JCAD: variants seen among roughly 807,000 people sequenced by gnomAD.
The protein encoded by JCAD is junctional cadherin 5 associated.
In JCAD, 40 loss-of-function variants were observed where a neutral mutation model predicts 98.0. The ratio of observed to expected loss-of-function variants is 0.41; its 90% CI spans 0.32 to 0.53. The LOEUF is 0.53. Ranked by LOEUF, JCAD falls within the 20% of genes least tolerant of loss-of-function variation. JCAD has a pLI of 0.31. For synonymous variants in JCAD, 691 were observed against 682.3 expected, an observed-to-expected ratio of 1.01 and a Z score of -0.20; for missense variants, 1,705 against 1,738.1, an observed-to-expected ratio of 0.98 and a Z score of 0.34.
intron 1 of JCAD, among the ~76,000 whole-genome samples, chr10:30,082,676 A>C (rs192274382): frequency 6.6e-6 from 1 of 151,834 alleles, no homozygotes; most frequent in African/African-American, 2.4e-5. Context: ...ACATGGAGAA[A>C]CCCCATCTGT....
At chr10:30,098,859 AT>A (rs1343825686) in intron 1 of JCAD, among the ~76,000 whole-genome samples, 1 of 151,976 alleles carries the variant, frequency 6.6e-6, no homozygotes, top group Admixed American at 6.6e-5. Flanking sequence ...AAACTTCCTG[AT>A]TTTTTTTAAA....
Position 30,016,891 on chromosome 10 carries a change from T to C in JCAD, c.*992A>G, listed in dbSNP as rs1469901731. ...ACCCTGTGATATGTCTATATTGACA[T>C]TTTCTAAGATAAAATAAAAGTAGCA... On this transcript the variant is annotated 3_prime_UTR_variant, in exon 4 of 4. Coordinates refer to ENST00000375377, the MANE Select transcript of JCAD (RefSeq NM_020848.4). The C allele has an allele frequency of 1.3e-5, 2 of 152,216 alleles. No homozygotes were observed. Among genetic ancestry groups the C allele is most frequent in the Admixed American group, 6.5e-5 (1 of 15,286 alleles). The allele number at this position is 152,216 out of a possible 1,614,324, so 9.4% of individuals were successfully genotyped here. A position where few individuals can be genotyped will look rare whatever the true frequency, so the allele number is the denominator to read the frequency against.
At chr10:30,082,483 C>T (rs1838101803) in intron 1 of JCAD, among the ~76,000 whole-genome samples, 1 of 152,066 alleles carries the variant, frequency 6.6e-6, no homozygotes, top group African/African-American at 2.4e-5. Flanking sequence ...CTTTGAGAGG[C>T]CGAGGTGGGT....
rs1836945395 is a variant in JCAD, at chr10:30,029,646, C to A, written c.502G>T (p.Val168Phe). The A allele has an allele frequency of 6.2e-7, 1 of 1,614,256 alleles. No individual in the cohort carries two copies. The highest frequency in any genetic ancestry group is 8.5e-7 in the Non-Finnish European group (1 of 1,180,054). The change falls in exon 3 of 4, where the codon GTT becomes TTT. Residue 168 changes from valine (V) to phenylalanine (F), a missense_variant. Around this residue, in one of 3 missense-constraint regions of JCAD, gnomAD observed 275 missense variants for 346.9 expected, o/e 0.79. Coordinates refer to ENST00000375377, the MANE Select transcript of JCAD (RefSeq NM_020848.4). ...GACATTCGCAATTCTTCTTCCCAAA[C>A]TGGCTTCTTCATCACATGCTCTGAC... ...GRSEHVMKKP[V>F]WEEELRMSGP...
intron 1 of JCAD, among the ~76,000 whole-genome samples, chr10:30,102,003 T>C (rs1838479235): frequency 1.3e-5 from 2 of 152,144 alleles, no homozygotes; most frequent in Non-Finnish European, 2.9e-5. Context: ...GAAATGTCAG[T>C]GAGGGCCAGA....
intron 3 of JCAD, among the ~76,000 whole-genome samples, chr10:30,019,284 G>A (rs1015720174): frequency 3.3e-5 from 5 of 151,180 alleles, no homozygotes; most frequent in Admixed American, 6.6e-5. Context: ...TTGAATCCAG[G>A]AGGCGGAGGT....
At chr10:30,099,825 T>G (rs1374722642) in intron 1 of JCAD, among the ~76,000 whole-genome samples, 1 of 152,182 alleles carries the variant, frequency 6.6e-6, no homozygotes, top group Non-Finnish European at 1.5e-5. Flanking sequence ...CTTTTTCGAT[T>G]ACCTCCTCCA....
At chr10:30,109,705 C>T (rs777840225) in intron 1 of JCAD, among the ~76,000 whole-genome samples, 24 of 152,138 alleles carry the variant, frequency 1.6e-4, no homozygotes, top group Admixed American at 6.5e-4. Context: ...ATGGCAGCAT[C>T]GGCGGGATGT....
chr10:30,031,750 ATT>A (rs1177691710), intron 2 of JCAD, among the ~76,000 whole-genome samples: 7 of 63,364 alleles, frequency 1.1e-4, no homozygotes, highest in South Asian at 5.6e-4. Flanking sequence ...CCCCATCTGT[ATT>A]TTTTTTTTTT....
In JCAD at chr10:30,067,681, T is replaced by A. The variant is rs533091385; in HGVS notation, n.250+2019A>T. On this transcript the variant is annotated intron_variant and non_coding_transcript_variant, in intron 2 of 2. Transcript: ENST00000465712. ...ATGTGCCAGGCACTGGGCTAGGCCTTGACTTATGTCCTTCGATGTACAAAA... is the reference window on the plus strand; with the variant it reads ...ATGTGCCAGGCACTGGGCTAGGCCTAGACTTATGTCCTTCGATGTACAAAA... 9.2e-5 allele frequency among the ~76,000 whole-genome samples: 14 copies of A among 152,358 alleles called. No homozygotes were observed. In the East Asian group the frequency reaches 2.5e-3, roughly 27 times the overall value.
chr10:30,110,206 C>A (rs569272024), intron 1 of JCAD, among the ~76,000 whole-genome samples: 4 of 151,708 alleles, frequency 2.6e-5, no homozygotes, highest in African/African-American at 9.7e-5. Context: ...GATGTATGGA[C>A]CATTGATGTA....
At chr10:30,088,497 T>C (rs1838203357) in intron 1 of JCAD, among the ~76,000 whole-genome samples, 2 of 152,118 alleles carry the variant, frequency 1.3e-5, no homozygotes, top group African/African-American at 4.8e-5. Context: ...ATCAAGTAGT[T>C]TGGGAGATAG....
At chr10:30,113,151 A>G (rs1249127169) in intron 1 of JCAD, among the ~76,000 whole-genome samples, 1 of 152,202 alleles carries the variant, frequency 6.6e-6, no homozygotes, top group Non-Finnish European at 1.5e-5. Flanking sequence ...GAAGGTGGTC[A>G]TGGGGTTCTC....
Position 30,047,944 on chromosome 10 carries a change from G to A in JCAD, c.-59-73C>T, listed in dbSNP as rs1049721449. ...TCAGTCTGACACCTCCTCCTCCCGT[G>A]GTCCCCCCACCAAACCAGACCATGG... On this transcript the variant is annotated intron_variant, in intron 1 of 3. Transcript: ENST00000375377. 13 of 911,284 alleles carry A rather than the reference G, an allele frequency of 1.4e-5. No individual in the cohort carries two copies. The East Asian group carries it at 2.8e-4, about 20-fold the overall frequency. The allele number at this position is 911,284 out of a possible 1,614,324, so 56.4% of individuals were successfully genotyped here.
intron 2 of JCAD, among the ~76,000 whole-genome samples, chr10:30,033,123 A>C (rs74934141): frequency 0.028 from 4,297 of 152,302 alleles, 95 homozygotes; most frequent in Middle Eastern, 0.041. Context: ...TGATTTCCCC[A>C]AGTTACACAG....
chr10:30,094,845 G>A (rs532689658), intron 1 of JCAD, among the ~76,000 whole-genome samples: 3 of 152,218 alleles, frequency 2.0e-5, no homozygotes, highest in East Asian at 3.9e-4. Context: ...CCCTGATCTC[G>A]CTGAGATGTG....
intron 1 of JCAD, among the ~76,000 whole-genome samples, chr10:30,053,282 C>T (rs1837505330): frequency 6.6e-6 from 1 of 152,014 alleles, no homozygotes; most frequent in Non-Finnish European, 1.5e-5. Context: ...AGTGATTAGC[C>T]AGGTTCACTG....
At chr10:30,087,735 T>A (rs1210043673) in intron 1 of JCAD, among the ~76,000 whole-genome samples, 1 of 152,250 alleles carries the variant, frequency 6.6e-6, no homozygotes. Flanking sequence ...TCAACTGATT[T>A]TGAATGTGGG....
At chr10:30,052,011 T>C (rs1837480728) in intron 1 of JCAD, among the ~76,000 whole-genome samples, 1 of 152,222 alleles carries the variant, frequency 6.6e-6, no homozygotes, top group Non-Finnish European at 1.5e-5. Context: ...CAAAGATTAA[T>C]GATTTGTCCT....
Sources: allele counts gnomAD v4.1 joint callset (sites outside exome capture counted in the v4.1 genomes callset), GRCh38; gene constraint gnomAD v4.1.1; regional missense constraint gnomAD v4.1.1; transcripts MANE v1.5; gene names NCBI Gene and HGNC (gene_info 2026-07-23, HGNC 2026-07-21).